Variants in TP63 observed in about 807,000 individuals in gnomAD.
The protein encoded by TP63 is tumor protein 63.
In TP63, 17 loss-of-function variants were observed where a neutral mutation model predicts 82.8. That is an observed-to-expected ratio of 0.21 (90% CI 0.14 to 0.31). TP63 has a LOEUF of 0.31. TP63 is among the 10% of genes least tolerant of loss of function. The probability of loss-of-function intolerance (pLI) is 1.00; values close to 1 mark genes in which losing one functional copy is unlikely to be tolerated. For synonymous variants in TP63, 330 were observed against 321.7 expected, an observed-to-expected ratio of 1.03 and a Z score of -0.28; for missense variants, 648 against 895.3, an observed-to-expected ratio of 0.72 and a Z score of 3.52.
chr3:189,875,611 T>TATATATACAC (rs1553859675), intron 10 of TP63, among the ~76,000 whole-genome samples: 3 of 77,040 alleles, frequency 3.9e-5, no homozygotes, highest in Admixed American at 1.3e-4. Context: ...TATATATATA[T>TATATATACAC]ATATATATAT....
chr3:189,683,415 C>T (rs547075294), intron 1 of TP63, among the ~76,000 whole-genome samples: 40 of 152,286 alleles, frequency 2.6e-4, no homozygotes, highest in African/African-American at 8.7e-4. Flanking sequence ...TGTGAAGCTC[C>T]TACCATCTAC....
intron 1 of TP63, among the ~76,000 whole-genome samples, chr3:189,689,794 G>A (rs1212871333): frequency 6.6e-6 from 1 of 152,136 alleles, no homozygotes; most frequent in Non-Finnish European, 1.5e-5. Flanking sequence ...TGGGAAACTA[G>A]CAGTTCATCT....
chr3:189,754,321 G>A (rs1004029679), intron 3 of TP63, among the ~76,000 whole-genome samples: 6 of 151,850 alleles, frequency 4.0e-5, no homozygotes, highest in African/African-American at 1.2e-4. Flanking sequence ...GCATGTACAC[G>A]TACACAATCA....
In TP63 at chr3:189,649,637, A is replaced by G. The variant is rs1712722103; in HGVS notation, c.62+18060A>G. Among the ~76,000 whole-genome samples the G allele has an allele frequency of 1.4e-5, 2 of 147,260 alleles. 1 individual carries two copies. Among genetic ancestry groups the G allele is most frequent in the Admixed American group, 1.3e-4 (2 of 14,952 alleles). ...CCCCAAACTTAAAAGTTAAAAAGAA[A>G]GGAAAACAGTGCTATATTAACTGGG... On this transcript the variant is annotated intron_variant, in intron 1 of 13. Coordinates refer to ENST00000264731, the MANE Select transcript of TP63 (RefSeq NM_003722.5).
intron 1 of TP63, among the ~76,000 whole-genome samples, chr3:189,640,283 T>G (rs1447159391): frequency 1.3e-5 from 2 of 152,202 alleles, no homozygotes; most frequent in African/African-American, 2.4e-5. Context: ...GAGACAAAAT[T>G]TTTCAAACTA....
At chr3:189,662,644 G>T (rs1466145313) in intron 1 of TP63, among the ~76,000 whole-genome samples, 1 of 151,882 alleles carries the variant, frequency 6.6e-6, no homozygotes, top group African/African-American at 2.4e-5. Context: ...TATTAGGTTA[G>T]CTCTGTGTTT....
chr3:189,808,199 A>G, intron 3 of TP63, 73 bp from the exon 4 acceptor site: 1 of 1,613,200 alleles, frequency 6.2e-7, no homozygotes, highest in Admixed American at 1.7e-5. Flanking sequence ...GCATTCACCC[A>G]TGGATGCCTT....
intron 1 of TP63, among the ~76,000 whole-genome samples, chr3:189,669,332 T>C (rs1714688513): frequency 6.6e-6 from 1 of 151,686 alleles, no homozygotes; most frequent in South Asian, 2.1e-4. Flanking sequence ...CTGAGGATAA[T>C]TTGTAGTTAG....
Position 189,737,663 on chromosome 3 carries a change from A to G in TP63, c.63-77A>G, listed in dbSNP as rs1270800134. 2.7e-6 allele frequency: 4 copies of G among 1,508,390 alleles called. No homozygotes were observed. In the East Asian group the frequency reaches 9.1e-5, roughly 34 times the overall value. 93.4% of individuals were successfully genotyped at this position (1,508,390 alleles called of 1,614,324 possible). On this transcript the variant is annotated intron_variant, in intron 1 of 13. Coordinates refer to ENST00000264731, the MANE Select transcript of TP63 (RefSeq NM_003722.5). ...TAGATTCACTTGATGTTTTCATGAT[A>G]GAGTATGCTTTAATTTAAATATTCA...
intron 1 of TP63, among the ~76,000 whole-genome samples, chr3:189,725,102 G>A (rs920370389): frequency 8.6e-5 from 13 of 151,808 alleles, no homozygotes; most frequent in Admixed American, 2.6e-4. Context: ...ATACCTCATT[G>A]TGAAAAAAAG....
chr3:189,816,857 C>G (rs1728242776), intron 4 of TP63, among the ~76,000 whole-genome samples: 1 of 151,836 alleles, frequency 6.6e-6, no homozygotes. Flanking sequence ...CATTAAGCCC[C>G]CCACGTGAAA....
intron 10 of TP63, chr3:189,873,609 A>G (rs1473095393): frequency 6.1e-6 from 1 of 163,564 alleles, no homozygotes; most frequent in Non-Finnish European, 1.4e-5. Flanking sequence ...CATTTTTGGC[A>G]TAAATCAAGC....
chr3:189,834,781 C>T (rs7644113), intron 4 of TP63, among the ~76,000 whole-genome samples: 59,749 of 151,852 alleles, frequency 0.39, 12,096 homozygotes, highest in East Asian at 0.54. Context: ...TAAATCTCTG[C>T]ACCTAAATCT....
At chr3:189,676,640 A>T (rs1386842756) in intron 1 of TP63, among the ~76,000 whole-genome samples, 1 of 151,948 alleles carries the variant, frequency 6.6e-6, no homozygotes, top group Non-Finnish European at 1.5e-5. Context: ...GTTGTGTTAC[A>T]TGGATACATT....
chr3:189,853,703 A>G (rs1715935319), intron 4 of TP63, among the ~76,000 whole-genome samples: 1 of 152,194 alleles, frequency 6.6e-6, no homozygotes, highest in Admixed American at 6.5e-5. Flanking sequence ...ACTATCTGAC[A>G]TAGTAGTTAT....
the TP63 span, among the ~76,000 whole-genome samples, chr3:189,626,363 C>T: frequency 6.6e-6 from 1 of 152,136 alleles, no homozygotes; most frequent in Admixed American, 6.6e-5. Flanking sequence ...GAATTTACTC[C>T]ACCACCTCCT....
At chr3:189,636,161 A>G (rs1221590779) in intron 1 of TP63, among the ~76,000 whole-genome samples, 2 of 152,164 alleles carry the variant, frequency 1.3e-5, no homozygotes, top group Non-Finnish European at 1.5e-5. Context: ...TTCAAAATAT[A>G]TTTATGACCA....
chr3:189,732,400 G>T (rs1232749133), intron 1 of TP63, among the ~76,000 whole-genome samples: 1 of 152,158 alleles, frequency 6.6e-6, no homozygotes, highest in Non-Finnish European at 1.5e-5. Context: ...TTTGACCCAA[G>T]GTTACAGATG....
At chr3:189,704,952 T>C (rs1718090767) in intron 1 of TP63, among the ~76,000 whole-genome samples, 1 of 152,212 alleles carries the variant, frequency 6.6e-6, no homozygotes, top group African/African-American at 2.4e-5. Flanking sequence ...TCACTTCCTT[T>C]CTCCTTGAGA....
Sources: allele counts gnomAD v4.1 joint callset (sites outside exome capture counted in the v4.1 genomes callset), GRCh38; gene constraint gnomAD v4.1.1; transcripts MANE v1.5; gene names NCBI Gene and HGNC (gene_info 2026-07-23, HGNC 2026-07-21).